The following CYB5R4 variants were observed in gnomAD, a reference collection of about 807,000 sequenced individuals.
The protein encoded by CYB5R4 is N-terminal cytochrome b5 and cytochrome b5 oxidoreductase domain-containing protein.
A neutral mutation model predicts 70.2 loss-of-function variants in CYB5R4; 55 were observed. That is an observed-to-expected ratio of 0.78 (90% CI 0.63 to 0.98). The LOEUF is 0.98. Ranked by LOEUF, CYB5R4 falls within the 50% of genes least tolerant of loss-of-function variation. CYB5R4 has a pLI of 0.00. For missense variants in CYB5R4, 562 were observed against 612.6 expected, an observed-to-expected ratio of 0.92 and a Z score of 0.87; for synonymous variants, 197 against 199.5, an observed-to-expected ratio of 0.99 and a Z score of 0.11.
chr6:83,950,977 CA>C (rs1160274788), intron 14 of CYB5R4, among the ~76,000 whole-genome samples: 6 of 152,214 alleles, frequency 3.9e-5, no homozygotes, highest in African/African-American at 1.4e-4. Context: ...ACCCCAGAAA[CA>C]TTTATTATCA....
chr6:83,908,679 T>G (rs765817902), intron 3 of CYB5R4, among the ~76,000 whole-genome samples: 7 of 152,174 alleles, frequency 4.6e-5, no homozygotes, highest in Non-Finnish European at 8.8e-5. Flanking sequence ...TTACCCACCA[T>G]TGCTTTTATA....
At chr6:83,924,105 T>C (rs993866961) in intron 9 of CYB5R4, among the ~76,000 whole-genome samples, 4 of 149,766 alleles carry the variant, frequency 2.7e-5, no homozygotes, top group African/African-American at 9.8e-5. Flanking sequence ...AAATTTGCTT[T>C]TGTGGGGGCA....
chr6:83,919,430 C>G lies in CYB5R4; in HGVS notation c.540C>G (p.Thr180=), dbSNP rs1396340479. The G allele has an allele frequency of 6.6e-7, 1 of 1,517,436 alleles. No homozygotes were observed. The highest frequency in any genetic ancestry group is 2.3e-5 in the East Asian group (1 of 42,670). 94.0% of individuals were successfully genotyped at this position (1,517,436 alleles called of 1,614,324 possible). Residue 180 remains threonine (T), a synonymous_variant, in exon 7 of 16, where the codon ACC becomes ACG. Transcript: ENST00000369681. ...GGTTCCAAACAGACTCTTTAGTCAC[C>G]ATTGCCATATATACTAAACAGAAGG... ...YDWFQTDSLV[T]IAIYTKQKDI...
chr6:83,955,360 T>G lies in CYB5R4; in HGVS notation c.1409T>G (p.Ile470Ser), dbSNP rs200552087. The G allele has an allele frequency of 8.1e-5, 131 of 1,613,862 alleles. No individual in the cohort carries two copies. Among genetic ancestry groups the G allele is most frequent in the Non-Finnish European group, 1.1e-4 (126 of 1,179,928 alleles). Residue 470 changes from isoleucine (I) to serine (S), a missense_variant, in exon 15 of 16, where the codon ATT (isoleucine) becomes AGT (serine). Coordinates refer to ENST00000369681, the MANE Select transcript of CYB5R4 (RefSeq NM_016230.4). ...GAATGGAATGGCAAACAGGGACATA[T>G]TTCACCAGCTCTTCTTTCTGAATTT... ...ISEWNGKQGH[I>S]SPALLSEFLK...
intron 2 of CYB5R4, among the ~76,000 whole-genome samples, chr6:83,889,656 C>G (rs1471101801): frequency 3.9e-5 from 6 of 152,178 alleles, no homozygotes; most frequent in Admixed American, 3.3e-4. Context: ...TTAAGCTGTT[C>G]TTGCATTGCT....
chr6:83,922,579 C>T, intron 9 of CYB5R4, 109 bp downstream of exon 9: 2 of 759,570 alleles, frequency 2.6e-6, no homozygotes, highest in Non-Finnish European at 4.4e-6. Context: ...TTTTTCATGT[C>T]TATATTTTCA....
intron 2 of CYB5R4, among the ~76,000 whole-genome samples, chr6:83,868,673 T>C (rs533226880): frequency 6.6e-6 from 1 of 152,322 alleles, no homozygotes; most frequent in South Asian, 2.1e-4. Flanking sequence ...TTTTCTCTCT[T>C]GTTTCTCCCT....
chr6:83,921,575 C>T (rs2099466380), intron 8 of CYB5R4, among the ~76,000 whole-genome samples: 1 of 152,160 alleles, frequency 6.6e-6, no homozygotes, highest in African/African-American at 2.4e-5. Flanking sequence ...GTGGCTGCAG[C>T]AAAGCAGCCT....
At chr6:83,902,907 T>A (rs1446615943) in intron 3 of CYB5R4, among the ~76,000 whole-genome samples, 1 of 152,182 alleles carries the variant, frequency 6.6e-6, no homozygotes, top group Non-Finnish European at 1.5e-5. Flanking sequence ...AATTTGTTTA[T>A]CAGCTCTAAG....
intron 15 of CYB5R4, among the ~76,000 whole-genome samples, chr6:83,959,314 T>G (rs895027815): frequency 6.6e-6 from 1 of 152,090 alleles, no homozygotes; most frequent in Non-Finnish European, 1.5e-5. Flanking sequence ...GTCAAAAAGA[T>G]TTGAACCTGT....
intron 3 of CYB5R4, among the ~76,000 whole-genome samples, chr6:83,897,245 C>A (rs1417969111): frequency 3.9e-5 from 6 of 152,098 alleles, no homozygotes; most frequent in African/African-American, 1.4e-4. Context: ...TGAGCTCATC[C>A]TTTTTTATGG....
intron 14 of CYB5R4, among the ~76,000 whole-genome samples, chr6:83,952,255 A>C (rs1039929958): frequency 6.6e-6 from 1 of 152,220 alleles, no homozygotes; most frequent in East Asian, 1.9e-4. Flanking sequence ...CACTCCCTGC[A>C]AAATGTGCTT....
chr6:83,876,692 G>A (rs2099458610), intron 2 of CYB5R4, among the ~76,000 whole-genome samples: 1 of 151,796 alleles, frequency 6.6e-6, no homozygotes, highest in Non-Finnish European at 1.5e-5. Context: ...CCCACAATAT[G>A]TTACTATTTT....
intron 2 of CYB5R4, among the ~76,000 whole-genome samples, chr6:83,875,927 T>C (rs962225841): frequency 1.3e-4 from 20 of 152,318 alleles, no homozygotes; most frequent in Admixed American, 5.2e-4. Context: ...TATGTCTGAC[T>C]TTCTCGGAAT....
chr6:83,940,295 T>G (rs574443373), intron 13 of CYB5R4, 89 bp downstream of exon 13: 5 of 1,254,816 alleles, frequency 4.0e-6, no homozygotes, highest in Admixed American at 2.6e-5. Flanking sequence ...TGGACCTTAA[T>G]AGACATGTTA....
Position 83,859,737 on chromosome 6 carries a change from C to A in CYB5R4, c.-46C>A, listed in dbSNP as rs745968531. 1.6e-5 allele frequency: 26 copies of A among 1,598,918 alleles called. No individual in the cohort carries two copies. Among genetic ancestry groups the A allele is most frequent in the South Asian group, 2.2e-5 (2 of 90,106 alleles). ...AGAGCCGGAGCTGGAGGTGCTGTCC[C>A]GTCTGGCGGCGATCCCCGGGCAGGG... is the stretch of plus-strand genomic sequence containing the variant. On this transcript the variant is annotated 5_prime_UTR_variant, in exon 1 of 16. Coordinates refer to ENST00000369681, the MANE Select transcript of CYB5R4 (RefSeq NM_016230.4).
chr6:83,955,299 C>G lies in CYB5R4; in HGVS notation c.1348C>G (p.Leu450Val), dbSNP rs1353469187. Reference protein sequence around the residue: ...LEKLAFKDKRLDVEFVLSAPI... With the variant: ...LEKLAFKDKRVDVEFVLSAPI... ...AAAAGCTGTTTTTCTTTTCCCTAGACTGGATGTTGAATTTGTTCTCTCAGC... is the reference window on the plus strand; with the variant it reads ...AAAAGCTGTTTTTCTTTTCCCTAGAGTGGATGTTGAATTTGTTCTCTCAGC... Residue 450 changes from leucine to valine, a missense_variant and splice_region_variant, in exon 15 of 16, where the codon CTG becomes GTG. Coordinates refer to ENST00000369681, the MANE Select transcript of CYB5R4 (RefSeq NM_016230.4). 6.2e-7 allele frequency: 1 copy of G among 1,607,834 alleles called. No individual in the cohort carries two copies. The highest frequency in any genetic ancestry group is 1.3e-5 in the African/African-American group (1 of 74,634).
At chr6:83,950,796 G>A (rs1269160266) in intron 14 of CYB5R4, among the ~76,000 whole-genome samples, 1 of 151,732 alleles carries the variant, frequency 6.6e-6, no homozygotes, top group Non-Finnish European at 1.5e-5. Flanking sequence ...TTAACATTAT[G>A]GTCTGTATCT....
chr6:83,899,215 G>A (rs1439636084), intron 3 of CYB5R4, among the ~76,000 whole-genome samples: 1 of 152,158 alleles, frequency 6.6e-6, no homozygotes, highest in African/African-American at 2.4e-5. Flanking sequence ...TGCATCTATT[G>A]AGATAATCAT....
Sources: gnomAD v4.1 joint callset for allele counts (sites outside exome capture counted in the v4.1 genomes callset) on GRCh38, gnomAD v4.1.1 for gene constraint, MANE v1.5 for transcripts, NCBI Gene and HGNC (gene_info 2026-07-23, HGNC 2026-07-21) for gene names.